The following IFT43 variants were observed in gnomAD, a reference collection of about 807,000 sequenced individuals.
The protein encoded by IFT43 is intraflagellar transport protein 43 homolog.
A neutral mutation model predicts 32.3 loss-of-function variants in IFT43; 33 were observed. That is an observed-to-expected ratio of 1.02 (90% confidence interval 0.77 to 1.37). The LOEUF (loss-of-function observed/expected upper bound fraction) is 1.37. Among genes scored for constraint, IFT43 ranks in the 40% most tolerant of loss-of-function variants. The pLI, the probability that IFT43 is intolerant of heterozygous loss-of-function variation, is 0.00. For synonymous variants in IFT43, 93 were observed against 98.2 expected (o/e 0.95, Z 0.31); for missense variants, 274 against 265.9 (o/e 1.03, Z -0.21).
At chr14:76,062,917 C>CAAAAAAAAAAAAAAAAAAAAAAAAAAAA (rs746158153) in intron 5 of IFT43, among the ~76,000 whole-genome samples, 1 of 72,476 alleles carries the variant, frequency 1.4e-5, no homozygotes, top group African/African-American at 5.9e-5. Context: ...GATCCCATCT[C>CAAAAAAAAAAAAAAAAAAAAAAAAAAAA]AAAAAAAAAA....
At chr14:75,995,312 G>A (rs1247990567) in intron 2 of IFT43, among the ~76,000 whole-genome samples, 2 of 152,172 alleles carry the variant, frequency 1.3e-5, no homozygotes, top group Admixed American at 6.5e-5. Flanking sequence ...TGGAAAGGGC[G>A]GAGAGACTTA....
chr14:76,043,218 A>G (rs2036739575), intron 3 of IFT43, among the ~76,000 whole-genome samples: 1 of 152,212 alleles, frequency 6.6e-6, no homozygotes, highest in African/African-American at 2.4e-5. Context: ...CTGAGTTATT[A>G]TATTACCTTG....
intron 1 of IFT43, among the ~76,000 whole-genome samples, chr14:75,987,846 T>C (rs2139857558): frequency 6.6e-6 from 1 of 152,340 alleles, no homozygotes; most frequent in African/African-American, 2.4e-5. Context: ...CCAAAGATAA[T>C]GTCTCAAAAT....
intron 5 of IFT43, among the ~76,000 whole-genome samples, chr14:76,077,601 C>G (rs995316810): frequency 6.6e-6 from 1 of 152,164 alleles, no homozygotes; most frequent in Non-Finnish European, 1.5e-5. Context: ...GAGGGCTACC[C>G]TGTGGCCACG....
At chr14:76,022,023 G>A in intron 2 of IFT43, among the ~76,000 whole-genome samples, 1 of 152,184 alleles carries the variant, frequency 6.6e-6, no homozygotes, top group East Asian at 1.9e-4. Context: ...GGCCCAGGTG[G>A]GCGGATCACT....
chr14:75,991,526 TG>T (rs2035644105), intron 2 of IFT43, among the ~76,000 whole-genome samples: 2 of 151,828 alleles, frequency 1.3e-5, no homozygotes, highest in South Asian at 4.2e-4. Flanking sequence ...CATTAGGCCT[TG>T]AAGCCTTATA....
At chr14:75,985,875 T>C in intron 1 of IFT43, 35 bp downstream of exon 1, 1 of 1,611,176 alleles carries the variant, frequency 6.2e-7, no homozygotes, top group Non-Finnish European at 8.5e-7. Context: ...GGGGCCAGGA[T>C]TTGGCGGGTG....
intron 3 of IFT43, among the ~76,000 whole-genome samples, chr14:76,035,628 C>T (rs1485708671): frequency 1.3e-5 from 2 of 152,244 alleles, no homozygotes; most frequent in African/African-American, 4.8e-5. Context: ...CCAGAGGGCT[C>T]CTAGATCTGT....
At chr14:76,008,339 T>C (rs978878121) in intron 2 of IFT43, among the ~76,000 whole-genome samples, 3 of 152,220 alleles carry the variant, frequency 2.0e-5, no homozygotes, top group Non-Finnish European at 4.4e-5. Flanking sequence ...CATTAAGGAT[T>C]CCTCTTCTGA....
intron 2 of IFT43, among the ~76,000 whole-genome samples, chr14:75,991,374 T>TATAA (rs1386861005): frequency 1.0e-4 from 15 of 144,934 alleles, no homozygotes; most frequent in African/African-American, 3.6e-4. Context: ...TATATATATA[T>TATAA]AAATATTAAC....
At chr14:76,070,706 A>G (rs987613819) in intron 5 of IFT43, among the ~76,000 whole-genome samples, 3 of 152,116 alleles carry the variant, frequency 2.0e-5, no homozygotes, top group African/African-American at 7.2e-5. Flanking sequence ...GTTTGGCACC[A>G]TCCCCTTGGC....
intron 3 of IFT43, among the ~76,000 whole-genome samples, chr14:76,032,168 C>G (rs1412652265): frequency 6.6e-6 from 1 of 152,182 alleles, no homozygotes; most frequent in Non-Finnish European, 1.5e-5. Context: ...TCCTGGCCTC[C>G]TCTCTTTATA....
intron 3 of IFT43, among the ~76,000 whole-genome samples, chr14:76,030,234 GT>G (rs377762201): frequency 1.3e-5 from 2 of 150,634 alleles, no homozygotes; most frequent in East Asian, 1.9e-4. Flanking sequence ...CATCATCACA[GT>G]TTTTTTTTCT....
chr14:76,026,306 C>T (rs879400907), intron 3 of IFT43, among the ~76,000 whole-genome samples: 2 of 152,138 alleles, frequency 1.3e-5, no homozygotes, highest in Non-Finnish European at 2.9e-5. Context: ...CGCCTGTAAT[C>T]CCAGCACTTT....
At chr14:76,069,004 G>C (rs763923886) in intron 5 of IFT43, among the ~76,000 whole-genome samples, 3 of 152,186 alleles carry the variant, frequency 2.0e-5, no homozygotes, top group African/African-American at 4.8e-5. Context: ...CCTGAAGGAT[G>C]AGTGCACTGG....
In IFT43 at chr14:76,003,121, G is replaced by A. The variant is rs185352131; in HGVS notation, c.147+14144G>A. Among the ~76,000 whole-genome samples, 89 of 152,276 alleles carry A rather than the reference G, an allele frequency of 5.8e-4. 1 individual carries two copies. The highest frequency in any genetic ancestry group is 1.9e-3 in the African/African-American group (79 of 41,560). The stretch of plus-strand genomic sequence containing the variant: ...CAGGAAAAGGGTACTGACTAATGTC[G>A]AATGTCATTGGTGATAGACTGAAAC... On this transcript the variant is annotated intron_variant, in intron 2 of 8. Coordinates refer to ENST00000314067, the MANE Select transcript of IFT43 (RefSeq NM_001102564.3).
intron 3 of IFT43, among the ~76,000 whole-genome samples, chr14:76,027,657 C>G (rs913528714): frequency 6.7e-6 from 1 of 148,264 alleles, no homozygotes; most frequent in African/African-American, 2.5e-5. Context: ...TGCAGTGAGC[C>G]GAGATTGTGC....
chr14:76,037,485 CT>C (rs2036622768), intron 3 of IFT43, among the ~76,000 whole-genome samples: 1 of 152,192 alleles, frequency 6.6e-6, no homozygotes, highest in South Asian at 2.1e-4. Flanking sequence ...AGAAATTCTT[CT>C]GTAATGAACT....
intron 2 of IFT43, among the ~76,000 whole-genome samples, chr14:75,989,386 G>A (rs1418750820): frequency 6.6e-6 from 1 of 152,094 alleles, no homozygotes; most frequent in African/African-American, 2.4e-5. Flanking sequence ...CCGGCAGGAA[G>A]CAGATCATTT....
Sources: allele counts gnomAD v4.1 joint callset (sites outside exome capture counted in the v4.1 genomes callset), GRCh38; gene constraint gnomAD v4.1.1; transcripts MANE v1.5; gene names NCBI Gene and HGNC (gene_info 2026-07-23, HGNC 2026-07-21).